The following TRIM49C variants were observed in gnomAD, a reference collection of about 807,000 sequenced individuals.
TRIM49C encodes tripartite motif containing 49C, also known as tripartite motif-containing protein 49C.
TRIM49C carries 6 observed loss-of-function variants against 21.4 expected under a neutral mutation model. The ratio of observed to expected loss-of-function variants is 0.28; its 90% CI spans 0.15 to 0.55. The LOEUF (loss-of-function observed/expected upper bound fraction) is 0.55, where lower values mean the gene tolerates loss of function less well. TRIM49C is among the 20% of genes least tolerant of loss of function. The pLI is 0.94. For missense variants in TRIM49C, 161 were observed against 442.4 expected (o/e 0.36, Z 5.71); for synonymous variants, 57 against 148.1 (o/e 0.38, Z 4.47).
chr11:90,037,135 T>A (rs1414319295), intron 4 of TRIM49C, among the ~76,000 whole-genome samples: 3 of 135,306 alleles, frequency 2.2e-5, no homozygotes, highest in African/African-American at 5.2e-5. Context: ...GTAATTCTAG[T>A]TGGAGAGAAT....
At chr11:90,069,156 G>A in the TRIM49C span, among the ~76,000 whole-genome samples, 1 of 132,938 alleles carries the variant, frequency 7.5e-6, no homozygotes, top group Admixed American at 8.3e-5. Context: ...CCAGGCTGGA[G>A]TGCAGTGGCA....
chr11:90,073,367 T>G, the TRIM49C span: 5 of 658,060 alleles, frequency 7.6e-6, no homozygotes, highest in Admixed American at 5.4e-5. Context: ...TGTCAGGTCT[T>G]TCTTTTACAC....
At chr11:90,067,254 C>T in the TRIM49C span, among the ~76,000 whole-genome samples, 1 of 139,258 alleles carries the variant, frequency 7.2e-6, no homozygotes, top group East Asian at 2.2e-4. Flanking sequence ...GCAATGGGCA[C>T]AACCAAGGTG....
chr11:90,052,122 G>A, the TRIM49C span: 14 of 490,966 alleles, frequency 2.9e-5, 1 homozygote, highest in African/African-American at 4.1e-5. Flanking sequence ...TCCGCAGGGA[G>A]GGGTCGGCAG....
At chr11:90,066,906 T>G in the TRIM49C span, among the ~76,000 whole-genome samples, 1 of 138,626 alleles carries the variant, frequency 7.2e-6, no homozygotes, top group South Asian at 2.4e-4. Flanking sequence ...TAGCTGGGAT[T>G]ACAGGTGTCT....
chr11:90,036,871 G>A (rs1950731441), intron 4 of TRIM49C, among the ~76,000 whole-genome samples: 1 of 137,256 alleles, frequency 7.3e-6, no homozygotes, highest in African/African-American at 2.6e-5. Context: ...TAATCAAGCA[G>A]GGAAGTAGAA....
the TRIM49C span, among the ~76,000 whole-genome samples, chr11:90,066,022 ACT>A: frequency 7.3e-6 from 1 of 137,800 alleles, no homozygotes; most frequent in African/African-American, 2.6e-5. Context: ...TCACTTGCTA[ACT>A]CTTTTTTTTC....
chr11:90,033,132 C>A (rs1274612579), intron 2 of TRIM49C, among the ~76,000 whole-genome samples: 1 of 136,506 alleles, frequency 7.3e-6, no homozygotes, highest in Non-Finnish European at 1.6e-5. Flanking sequence ...ATTGTCATCT[C>A]ACTTGAGTCT....
the TRIM49C span, among the ~76,000 whole-genome samples, chr11:90,048,267 G>T: frequency 8.9e-6 from 1 of 112,330 alleles, no homozygotes; most frequent in Non-Finnish European, 1.8e-5. Context: ...TCTTCTTGAG[G>T]AGTATCTTTG....
rs1295520607 is a variant in TRIM49C, at chr11:90,039,325, G to A, written c.762-540G>A. Among the ~76,000 whole-genome samples, 5 of 129,854 alleles carry A rather than the reference G, an allele frequency of 3.9e-5. 1 individual carries two copies. Among genetic ancestry groups the A allele is most frequent in the Non-Finnish European group, 8.1e-5 (5 of 62,010 alleles). 85.2% of individuals were successfully genotyped at this position (129,854 alleles called of 152,430 possible). A position where few individuals can be genotyped will look rare whatever the true frequency, so the allele number is the denominator to read the frequency against. ...AGGAAGCAGGAGAGAAGAGGAGGAA[G>A]TATTTTAGCAGCGAAAAAGTGTTGA... is the stretch of plus-strand genomic sequence containing the variant. On this transcript the variant is annotated intron_variant, in intron 6 of 7. Coordinates refer to ENST00000448984, the MANE Select transcript of TRIM49C (RefSeq NM_001195234.1).
At chr11:90,069,173 T>C in the TRIM49C span, among the ~76,000 whole-genome samples, 1 of 130,748 alleles carries the variant, frequency 7.6e-6, no homozygotes, top group South Asian at 2.7e-4. Context: ...GGCACAATCT[T>C]GGCTCACTGC....
chr11:90,052,420 C>T, the TRIM49C span: 1 of 183,394 alleles, frequency 5.5e-6, no homozygotes, highest in African/African-American at 2.5e-5. Flanking sequence ...CGTGGTCATC[C>T]TGACTATGTG....
the TRIM49C span, among the ~76,000 whole-genome samples, chr11:90,064,569 C>CT: frequency 0.069 from 8,108 of 117,476 alleles, 132 homozygotes; most frequent in East Asian, 0.16. Flanking sequence ...TTCTTTCTAT[C>CT]TTTTTTTTTT....
At chr11:90,064,569 CTTT>C in the TRIM49C span, among the ~76,000 whole-genome samples, 2 of 118,932 alleles carry the variant, frequency 1.7e-5, no homozygotes, top group Non-Finnish European at 1.8e-5. Context: ...TTCTTTCTAT[CTTT>C]TTTTTTTTTT....
rs1950746981 is a variant in TRIM49C at position 90,038,938 on chromosome 11, G to C, written c.761+223G>C. ...TTGATTCCTGGTTTTGTTTTTTTTT[G>C]AGACGCTGTCTGGCTCTGTCGCCCA... is the stretch of plus-strand genomic sequence containing the variant. On this transcript the variant is annotated intron_variant, in intron 6 of 7. Transcript: ENST00000448984. Among the ~76,000 whole-genome samples, 2 of 134,792 alleles carry C rather than the reference G, an allele frequency of 1.5e-5. 1 individual carries two copies. The highest frequency in any genetic ancestry group is 3.2e-5 in the Non-Finnish European group (2 of 62,140). The allele number at this position is 134,792 out of a possible 152,430, so 88.4% of individuals were successfully genotyped here. A position where few individuals can be genotyped will look rare whatever the true frequency, so the allele number is the denominator to read the frequency against.
At chr11:90,059,949 A>C in the TRIM49C span, among the ~76,000 whole-genome samples, 2 of 140,010 alleles carry the variant, frequency 1.4e-5, 1 homozygote, top group African/African-American at 5.5e-5. Flanking sequence ...AGTAGAAGAC[A>C]CCTCTATGAT....
the TRIM49C span, among the ~76,000 whole-genome samples, chr11:90,063,469 C>G: frequency 7.4e-6 from 1 of 135,218 alleles, no homozygotes; most frequent in African/African-American, 2.8e-5. Flanking sequence ...TTCGGGAGGC[C>G]GAGGCAGGCG....
chr11:90,048,570 A>T, the TRIM49C span, among the ~76,000 whole-genome samples: 69 of 132,030 alleles, frequency 5.2e-4, 9 homozygotes, highest in Non-Finnish European at 6.6e-4. Flanking sequence ...GCTACTGAAG[A>T]TTGTGCATTC....
In TRIM49C at chr11:90,033,677, C is replaced by T. The variant is rs1417290366; in HGVS notation, c.-5+1095C>T. ...GAAACCGCCTGGCTGGGCACTGTGG[C>T]GCGTGCCTATAATCCCAGCACTTTG... is the stretch of plus-strand genomic sequence containing the variant. On this transcript the variant is annotated intron_variant, in intron 2 of 7. Coordinates refer to ENST00000448984, the MANE Select transcript of TRIM49C (RefSeq NM_001195234.1). 1.0e-4 allele frequency among the ~76,000 whole-genome samples: 14 copies of T among 135,272 alleles called. 2 individuals are homozygous for T. The highest frequency in any genetic ancestry group is 2.9e-4 in the African/African-American group (11 of 37,704). 88.7% of individuals were successfully genotyped at this position (135,272 alleles called of 152,430 possible). A position where few individuals can be genotyped will look rare whatever the true frequency, so the allele number is the denominator to read the frequency against.
Sources: allele counts gnomAD v4.1 joint callset (sites outside exome capture counted in the v4.1 genomes callset), GRCh38; gene constraint gnomAD v4.1.1; transcripts MANE v1.5; gene names NCBI Gene and HGNC (gene_info 2026-07-23, HGNC 2026-07-21).